The following PLXNC1 variants were observed in gnomAD, a reference collection of about 807,000 sequenced individuals.
PLXNC1 encodes plexin C1, also known as plexin-C1.
A neutral mutation model predicts 178.2 loss-of-function variants in PLXNC1; 75 were observed. The ratio of observed to expected loss-of-function variants is 0.42; its 90% CI spans 0.35 to 0.51. PLXNC1 has a LOEUF of 0.51. Among genes scored for constraint, PLXNC1 ranks in the 20% least tolerant of loss-of-function variants. The probability of loss-of-function intolerance (pLI) is 0.02; values close to 1 mark genes in which losing one functional copy is unlikely to be tolerated. For missense variants in PLXNC1, 1,503 were observed against 1,984.4 expected (o/e 0.76, Z 4.61); for synonymous variants, 790 against 779.9 (o/e 1.01, Z -0.22).
chr12:94,262,199 T>G (rs918675246), intron 20 of PLXNC1, among the ~76,000 whole-genome samples: 1 of 152,152 alleles, frequency 6.6e-6, no homozygotes, highest in Non-Finnish European at 1.5e-5. Flanking sequence ...CACAAGTCCC[T>G]GGGATAGTAG....
chr12:94,250,062 C>T (rs955040930), intron 14 of PLXNC1, among the ~76,000 whole-genome samples: 1 of 152,038 alleles, frequency 6.6e-6, no homozygotes, highest in Non-Finnish European at 1.5e-5. Flanking sequence ...CATGGGCTAT[C>T]TGGGGTAGAA....
Position 94,149,045 on chromosome 12 carries a change from TG to T in PLXNC1, c.75del (p.Leu26TrpfsTer117). ...GCGCCACTGCCCCTGCTCGCCTATCTGCTGGCACTGGCGGCTCCCGGCCGGG... is the reference window on the plus strand; with the variant it reads ...GCGCCACTGCCCCTGCTCGCCTATCTCTGGCACTGGCGGCTCCCGGCCGGG... The part of the protein sequence containing the change: ...PAAPLPLLAY[L>X]LALAAPGRGA... On this transcript the variant is annotated frameshift_variant, in exon 1 of 31. Coordinates refer to ENST00000258526, the MANE Select transcript of PLXNC1 (RefSeq NM_005761.3). LOFTEE classifies it high-confidence loss of function. The T allele has an allele frequency of 6.6e-7, 1 of 1,526,580 alleles. No individual in the cohort carries two copies. Among genetic ancestry groups the T allele is most frequent in the South Asian group, 1.2e-5 (1 of 82,584 alleles). The allele number at this position is 1,526,580 out of a possible 1,614,324, so 94.6% of individuals were successfully genotyped here.
At chr12:94,192,479 AC>A (rs1247227943) in intron 4 of PLXNC1, among the ~76,000 whole-genome samples, 1 of 150,056 alleles carries the variant, frequency 6.7e-6, no homozygotes, top group African/African-American at 2.5e-5. Flanking sequence ...ATAACAAACA[AC>A]CCCCAAATCC....
chr12:94,193,862 G>A (rs181242795), intron 4 of PLXNC1, among the ~76,000 whole-genome samples: 1 of 152,190 alleles, frequency 6.6e-6, no homozygotes. Context: ...GGAAACGCGG[G>A]GGGTGGACTT....
intron 12 of PLXNC1, among the ~76,000 whole-genome samples, chr12:94,245,749 G>A (rs1964512684): frequency 1.3e-5 from 2 of 152,186 alleles, no homozygotes; most frequent in Non-Finnish European, 2.9e-5. Context: ...CCCGTGCTGG[G>A]AACATCACTC....
intron 4 of PLXNC1, among the ~76,000 whole-genome samples, chr12:94,190,521 G>A (rs1465514110): frequency 2.0e-5 from 3 of 152,234 alleles, no homozygotes; most frequent in Non-Finnish European, 1.5e-5. Flanking sequence ...AATTAGAGAC[G>A]TGGGCCACCA....
intron 1 of PLXNC1, among the ~76,000 whole-genome samples, chr12:94,168,783 G>A (rs571308060): frequency 4.6e-5 from 7 of 152,284 alleles, no homozygotes; most frequent in East Asian, 3.9e-4. Flanking sequence ...ATGAATTGGC[G>A]GCAGGATTTT....
chr12:94,202,958 A>G (rs1963186746), intron 4 of PLXNC1, among the ~76,000 whole-genome samples: 1 of 152,192 alleles, frequency 6.6e-6, no homozygotes, highest in South Asian at 2.1e-4. Flanking sequence ...ATTTTTAAGC[A>G]GGGAGTAACA....
rs939824173 is a variant in PLXNC1 at position 94,306,625 on chromosome 12, T to C, written c.*1340T>C. The C allele has an allele frequency of 3.9e-5, 6 of 152,140 alleles. No individual in the cohort carries two copies. Among genetic ancestry groups the C allele is most frequent in the African/African-American group, 1.4e-4 (6 of 41,430 alleles). 9.4% of individuals were successfully genotyped at this position (152,140 alleles called of 1,614,324 possible). On this transcript the variant is annotated 3_prime_UTR_variant, in exon 31 of 31. Coordinates refer to ENST00000258526, the MANE Select transcript of PLXNC1 (RefSeq NM_005761.3). ...TACCCTTGGTGCTCCAAATCCCCCA[T>C]CTAGGAAAGAAAATTTTTTCAAGTC...
In PLXNC1 at chr12:94,149,730, C is replaced by T. The variant is rs2230754; in HGVS notation, c.759C>T (p.Tyr253=). ...SIYFPYYPYN[Y]TSGAATGWPS... ...ACTTCCCCTACTACCCCTACAACTA[C>T]ACGAGCGGCGCTGCCACCGGCTGGC... is the stretch of plus-strand genomic sequence containing the variant. Residue 253 remains tyrosine, a synonymous_variant, in exon 1 of 31, where the codon TAC becomes TAT. Coordinates refer to ENST00000258526, the MANE Select transcript of PLXNC1 (RefSeq NM_005761.3). The T allele has an allele frequency of 0.38, 618,463 of 1,608,684 alleles. 120,544 individuals are homozygous for T. The highest frequency in any genetic ancestry group is 0.48 in the African/African-American group (36,259 of 74,784).
At chr12:94,180,616 T>A (rs1962270625) in intron 2 of PLXNC1, among the ~76,000 whole-genome samples, 1 of 152,190 alleles carries the variant, frequency 6.6e-6, no homozygotes, top group Non-Finnish European at 1.5e-5. Context: ...GAAGCTCAGG[T>A]GTGTCCAATT....
chr12:94,186,168 A>C (rs2135966927), intron 3 of PLXNC1: 1 of 379,536 alleles, frequency 2.6e-6, no homozygotes, highest in Non-Finnish European at 4.8e-6. Context: ...AGGCCTGGGA[A>C]TACGCACTGT....
chr12:94,168,470 A>G (rs887409483), intron 1 of PLXNC1: 2 of 152,304 alleles, frequency 1.3e-5, no homozygotes, highest in African/African-American at 4.8e-5. Context: ...AGAGCCTCAG[A>G]CAATTTAAAT....
At chr12:94,172,549 A>G (rs535487030) in intron 2 of PLXNC1, among the ~76,000 whole-genome samples, 20 of 152,338 alleles carry the variant, frequency 1.3e-4, no homozygotes, top group African/African-American at 4.3e-4. Flanking sequence ...CAACAAAGAA[A>G]AAATTACCCC....
At position 94,213,846 on chromosome 12, in the gene PLXNC1, G is replaced by A. The variant is rs747854566; in HGVS notation, c.1554+4142G>A. On this transcript the variant is annotated intron_variant, in intron 5 of 30. Transcript: ENST00000258526. ...ATTTTTTGTATCAGGTGTAAGGAAGGGATCCAGTTTCCGCTTTCTACATTT... is the reference window on the plus strand; with the variant it reads ...ATTTTTTGTATCAGGTGTAAGGAAGAGATCCAGTTTCCGCTTTCTACATTT... 6.7e-4 allele frequency among the ~76,000 whole-genome samples: 102 copies of A among 151,710 alleles called. 1 individual carries two copies. The highest frequency in any genetic ancestry group is 2.2e-3 in the Admixed American group (33 of 15,212).
chr12:94,232,103 C>T (rs963098504), intron 9 of PLXNC1, among the ~76,000 whole-genome samples: 12 of 152,098 alleles, frequency 7.9e-5, no homozygotes, highest in African/African-American at 1.2e-4. Context: ...TTCCCCCCTC[C>T]GAGATGGAGT....
rs1224997385 is a variant in PLXNC1, at chr12:94,239,822, C to T, written c.2121-663C>T. 7.2e-5 allele frequency among the ~76,000 whole-genome samples: 11 copies of T among 152,328 alleles called. No homozygotes were observed. The East Asian group carries it at 1.2e-3, about 16-fold the overall frequency. On this transcript the variant is annotated intron_variant, in intron 10 of 30. Coordinates refer to ENST00000258526, the MANE Select transcript of PLXNC1 (RefSeq NM_005761.3). Reference sequence around the variant, plus strand: ...CCAATGCTGATTGATTCTGAGATGCCTGGGCTCTTGGTTTAGGCCCCCTTT... The same window carrying T: ...CCAATGCTGATTGATTCTGAGATGCTTGGGCTCTTGGTTTAGGCCCCCTTT...
intron 9 of PLXNC1, among the ~76,000 whole-genome samples, chr12:94,233,186 T>G (rs1366384108): frequency 1.3e-5 from 2 of 151,366 alleles, no homozygotes; most frequent in Non-Finnish European, 2.9e-5. Flanking sequence ...AGGGAAGGAG[T>G]CAGACCCAGA....
chr12:94,220,046 C>T lies in PLXNC1; in HGVS notation c.1585C>T (p.Pro529Ser). 6.2e-7 allele frequency: 1 copy of T among 1,613,904 alleles called. No individual in the cohort carries two copies. The highest frequency in any genetic ancestry group is 1.3e-5 in the African/African-American group (1 of 75,002). ...TTVTMVGSFSPRHSKCMVKNV... is the reference protein window; with the variant it reads ...TTVTMVGSFSSRHSKCMVKNV... ...AGTGACTATGGTGGGAAGCTTCTCT[C>T]CAAGACACTCAAAGTGCATGGTGAA... is the stretch of plus-strand genomic sequence containing the variant. The change falls in exon 6 of 31, where the codon CCA becomes TCA. Residue 529 changes from proline to serine, a missense_variant. Pro to Ser is a moderately conservative substitution (Grantham distance 74). Around this residue, in one of 4 missense-constraint regions of PLXNC1, gnomAD observed 615 missense variants for 698.6 expected, o/e 0.88. Coordinates refer to ENST00000258526, the MANE Select transcript of PLXNC1 (RefSeq NM_005761.3).
Sources: gnomAD v4.1 joint callset for allele counts (sites outside exome capture counted in the v4.1 genomes callset) on GRCh38, gnomAD v4.1.1 for gene constraint, gnomAD v4.1.1 regional missense constraint, MANE v1.5 for transcripts, NCBI Gene and HGNC (gene_info 2026-07-23, HGNC 2026-07-21) for gene names.